RANBP9: variants seen among roughly 807,000 people sequenced by gnomAD.
The protein encoded by RANBP9 is ran-binding protein 9.
Under a neutral mutation model 84.3 loss-of-function variants are expected in RANBP9, and 15 were observed. That is an observed-to-expected ratio of 0.18 (90% confidence interval 0.12 to 0.27). The LOEUF (loss-of-function observed/expected upper bound fraction) is 0.27, where lower values mean the gene tolerates loss of function less well. Ranked by LOEUF, RANBP9 falls within the 10% of genes least tolerant of loss-of-function variation. The pLI is 1.00. For synonymous variants in RANBP9, 392 were observed against 349.6 expected, an observed-to-expected ratio of 1.12 and a Z score of -1.35; for missense variants, 809 against 912.8, an observed-to-expected ratio of 0.89 and a Z score of 1.46.
intron 10 of RANBP9, among the ~76,000 whole-genome samples, chr6:13,636,521 T>C (rs1013152754): frequency 1.3e-5 from 2 of 152,210 alleles, no homozygotes; most frequent in African/African-American, 2.4e-5. Context: ...GCTGTAGGGA[T>C]AGTATTCAAG....
intron 11 of RANBP9, among the ~76,000 whole-genome samples, chr6:13,633,238 A>G (rs1764841783): frequency 6.6e-6 from 1 of 152,088 alleles, no homozygotes; most frequent in Non-Finnish European, 1.5e-5. Context: ...GTTTCACCAT[A>G]TTGGTCAGGC....
chr6:13,658,346 C>A (rs1355957108), intron 3 of RANBP9, among the ~76,000 whole-genome samples: 1 of 152,166 alleles, frequency 6.6e-6, no homozygotes, highest in Non-Finnish European at 1.5e-5. Context: ...TGGTGGCTCA[C>A]GCCTGTAATC....
intron 5 of RANBP9, among the ~76,000 whole-genome samples, chr6:13,646,686 T>C (rs1718999818): frequency 6.6e-6 from 1 of 152,124 alleles, no homozygotes; most frequent in African/African-American, 2.4e-5. Flanking sequence ...TAAAACTATT[T>C]CATAAAAATT....
chr6:13,638,511 GCAAACAGAAGA>G (rs1206067764), intron 9 of RANBP9, among the ~76,000 whole-genome samples: 1 of 151,938 alleles, frequency 6.6e-6, no homozygotes, highest in Non-Finnish European at 1.5e-5. Flanking sequence ...AAAGAGATGG[GCAAACAGAAGA>G]CTGAGAAGCA....
intron 13 of RANBP9, among the ~76,000 whole-genome samples, chr6:13,623,487 CAAAAA>C (rs559654880): frequency 2.1e-4 from 32 of 152,190 alleles, no homozygotes; most frequent in African/African-American, 5.5e-4. Context: ...GAAGAGAAAA[CAAAAA>C]CAGGATTAAG....
chr6:13,707,802 TAA>T (rs148543877), intron 1 of RANBP9, among the ~76,000 whole-genome samples: 1,966 of 152,338 alleles, frequency 0.013, 47 homozygotes, highest in African/African-American at 0.046. Context: ...ACATTTAAAC[TAA>T]GTCCATTGTC....
At chr6:13,695,605 A>G (rs1246357955) in intron 2 of RANBP9, among the ~76,000 whole-genome samples, 5 of 151,610 alleles carry the variant, frequency 3.3e-5, no homozygotes. Flanking sequence ...TGAAGTATAA[A>G]AAGAATCAGC....
At position 13,711,152 on chromosome 6, in the gene RANBP9, G is replaced by C; in HGVS notation, c.354C>G (p.Ala118=). ...LAAGPGPAGG[A]PTPALVAGSS... ...TGCCCGCCACCAGAGCTGGGGTCGG[G>C]GCTCCTCCAGCCGGGCCGGGGCCCG... The change falls in exon 1 of 14, where the codon GCC becomes GCG. Residue 118 remains alanine, a synonymous_variant. Transcript: ENST00000011619. The C allele has an allele frequency of 1.3e-6, 2 of 1,505,514 alleles. No individual in the cohort carries two copies. Among genetic ancestry groups the C allele is most frequent in the Non-Finnish European group, 1.8e-6 (2 of 1,129,222 alleles). The allele number at this position is 1,505,514 out of a possible 1,614,324, so 93.3% of individuals were successfully genotyped here.
intron 2 of RANBP9, among the ~76,000 whole-genome samples, chr6:13,690,481 A>G (rs983865347): frequency 2.6e-5 from 4 of 152,180 alleles, no homozygotes; most frequent in African/African-American, 9.7e-5. Context: ...TAAACTAGAA[A>G]GTCAGCAAGC....
chr6:13,659,557 T>C (rs1765494454), intron 2 of RANBP9, among the ~76,000 whole-genome samples: 2 of 152,126 alleles, frequency 1.3e-5, no homozygotes, highest in African/African-American at 4.8e-5. Flanking sequence ...CTGATAAATA[T>C]AGTTCAAAGG....
chr6:13,651,951 A>C (rs1007621806), intron 5 of RANBP9, among the ~76,000 whole-genome samples: 7 of 151,980 alleles, frequency 4.6e-5, no homozygotes, highest in Non-Finnish European at 8.8e-5. Context: ...TCTTCAAACA[A>C]GCCATCTGTG....
At chr6:13,702,335 CGGGAGGCTGA>C (rs1292720005) in intron 1 of RANBP9, among the ~76,000 whole-genome samples, 1 of 151,988 alleles carries the variant, frequency 6.6e-6, no homozygotes, top group Non-Finnish European at 1.5e-5. Context: ...CTCAGCTATT[CGGGAGGCTGA>C]GGGAGGAGAA....
intron 10 of RANBP9, among the ~76,000 whole-genome samples, chr6:13,635,599 G>A (rs1362548161): frequency 6.7e-6 from 1 of 150,006 alleles, no homozygotes; most frequent in East Asian, 1.9e-4. Context: ...ATACACTCCT[G>A]TTAGTAAAAT....
chr6:13,666,269 A>G (rs1197101871), intron 2 of RANBP9, among the ~76,000 whole-genome samples: 1 of 152,078 alleles, frequency 6.6e-6, no homozygotes, highest in Non-Finnish European at 1.5e-5. Context: ...AAGAGGAATA[A>G]AGAGATACCT....
In RANBP9 at chr6:13,689,123, C is replaced by T. The variant is rs145585769; in HGVS notation, c.683+7662G>A. Among the ~76,000 whole-genome samples, 495 of 151,880 alleles carry T rather than the reference C, an allele frequency of 3.3e-3. 7 individuals carry two copies. Among genetic ancestry groups the T allele is most frequent in the African/African-American group, 0.011 (460 of 41,404 alleles). On this transcript the variant is annotated intron_variant, in intron 2 of 13. Coordinates refer to ENST00000011619, the MANE Select transcript of RANBP9 (RefSeq NM_005493.3). ...AGAGAGCCTTGATTGTGCCACTGTA[C>T]TACAGCCTGGGTGACAGAGCAAGAC...
intron 2 of RANBP9, among the ~76,000 whole-genome samples, chr6:13,673,028 C>T (rs1484137054): frequency 1.3e-5 from 2 of 151,994 alleles, no homozygotes; most frequent in Non-Finnish European, 1.5e-5. Flanking sequence ...AATGACAGAT[C>T]CCCCAAACCC....
At chr6:13,628,049 T>A (rs1764670796) in intron 12 of RANBP9, among the ~76,000 whole-genome samples, 1 of 152,222 alleles carries the variant, frequency 6.6e-6, no homozygotes, top group African/African-American at 2.4e-5. Context: ...CAACGTATTG[T>A]GCACTAATAT....
intron 10 of RANBP9, among the ~76,000 whole-genome samples, chr6:13,636,464 T>C (rs1400747404): frequency 6.6e-6 from 1 of 152,218 alleles, no homozygotes; most frequent in African/African-American, 2.4e-5. Context: ...TCCGTTAAGC[T>C]TGCTTCCCTG....
At chr6:13,674,853 CTTAAG>C (rs1416230896) in intron 2 of RANBP9, among the ~76,000 whole-genome samples, 1 of 152,176 alleles carries the variant, frequency 6.6e-6, no homozygotes, top group Admixed American at 6.5e-5. Context: ...TTACCTTTGT[CTTAAG>C]TTTTCATTTC....
Sources: gnomAD v4.1 joint callset for allele counts (sites outside exome capture counted in the v4.1 genomes callset) on GRCh38, gnomAD v4.1.1 for gene constraint, MANE v1.5 for transcripts, NCBI Gene and HGNC (gene_info 2026-07-23, HGNC 2026-07-21) for gene names.